Variants in ST3GAL1 observed in about 807,000 individuals in gnomAD.
The protein encoded by ST3GAL1 is CMP-N-acetylneuraminate-beta-galactosamide-alpha-2,3-sialyltransferase 1.
Under a neutral mutation model 34.1 loss-of-function variants are expected in ST3GAL1, and 16 were observed. That is an observed-to-expected ratio of 0.47 (90% confidence interval 0.32 to 0.71). The LOEUF (loss-of-function observed/expected upper bound fraction) is 0.71. ST3GAL1 is among the 30% of genes least tolerant of loss of function. ST3GAL1 has a pLI of 0.04. For missense variants in ST3GAL1, 353 were observed against 447.4 expected (o/e 0.79, Z 1.90); for synonymous variants, 191 against 184.7 (o/e 1.03, Z -0.28).
intron 1 of ST3GAL1, among the ~76,000 whole-genome samples, chr8:133,548,823 C>T (rs1818745171): frequency 6.6e-6 from 1 of 152,206 alleles, no homozygotes; most frequent in Non-Finnish European, 1.5e-5. Context: ...CTATATTTTA[C>T]TTGTCACTAG....
Position 133,456,995 on chromosome 8 carries a change from A to G in ST3GAL1, c.*2769T>C, listed in dbSNP as rs989609519. On this transcript the variant is annotated 3_prime_UTR_variant, in exon 10 of 10. Transcript: ENST00000522652. ...TCACACTGCACCAGGAAAAGGCCAC[A>G]CCTCCCTACACAGCAGCAGCCTTTT... The G allele has an allele frequency of 6.6e-6, 1 of 151,748 alleles. No individual in the cohort carries two copies. The highest frequency in any genetic ancestry group is 1.5e-5 in the Non-Finnish European group (1 of 67,984). The allele number at this position is 151,748 out of a possible 1,614,324, so 9.4% of individuals were successfully genotyped here.
chr8:133,532,938 T>C (rs1818200596), intron 2 of ST3GAL1, among the ~76,000 whole-genome samples: 1 of 152,224 alleles, frequency 6.6e-6, no homozygotes, highest in Non-Finnish European at 1.5e-5. Context: ...TCTCTCACTC[T>C]TTCCCATATT....
In ST3GAL1 at chr8:133,571,068, G is replaced by T. The variant is rs1819552816; in HGVS notation, c.-582+625C>A. 6.6e-6 allele frequency among the ~76,000 whole-genome samples: 1 copy of T among 152,208 alleles called. No homozygotes were observed. Among genetic ancestry groups the T allele is most frequent in the South Asian group, 2.1e-4 (1 of 4,836 alleles). ...CAACTTCACCCCCAGATCCGGAGCA[G>T]CGCGCTCTGACGGCGTCCCCGGGGC... On this transcript the variant is annotated intron_variant, in intron 1 of 9. Transcript: ENST00000522652. The surrounding 1 kb of genome is among the most constrained non-coding windows in gnomAD (Gnocchi z 6.7).
At chr8:133,506,963 T>TAAAA (rs1381957064) in intron 2 of ST3GAL1, among the ~76,000 whole-genome samples, 1 of 129,296 alleles carries the variant, frequency 7.7e-6, no homozygotes, top group Non-Finnish European at 1.7e-5. Flanking sequence ...AAATAATAAA[T>TAAAA]AAAAATAAAA....
rs768009053 is a variant in ST3GAL1 at position 133,540,956 on chromosome 8, C to CAT, written c.-429+4816_-429+4817dup. Among the ~76,000 whole-genome samples, 1,674 of 76,686 alleles carry CAT rather than the reference C, an allele frequency of 0.022. 285 individuals are homozygous for CAT. The East Asian group carries it at 0.22, about 10-fold the overall frequency. 50.3% of individuals were successfully genotyped at this position (76,686 alleles called of 152,430 possible). Reference sequence around the variant, plus strand: ...AGACATATATAGACATATATATAGACATATATATAGACATATATATGCAGA... The same window carrying CAT: ...AGACATATATAGACATATATATAGACATATATATATAGACATATATATGCAGA... On this transcript the variant is annotated intron_variant, in intron 2 of 9. Coordinates refer to ENST00000522652, the MANE Select transcript of ST3GAL1 (RefSeq NM_173344.3).
chr8:133,551,297 G>A (rs147717046), intron 1 of ST3GAL1, among the ~76,000 whole-genome samples: 497 of 152,054 alleles, frequency 3.3e-3, no homozygotes, highest in African/African-American at 0.011. Flanking sequence ...GTGAAGCCCC[G>A]TCTCTACTAA....
chr8:133,561,098 C>T (rs919799904), intron 1 of ST3GAL1, among the ~76,000 whole-genome samples: 66 of 150,434 alleles, frequency 4.4e-4, no homozygotes, highest in African/African-American at 1.4e-3. Context: ...CAAGGTTTGC[C>T]CAGAGCCATC....
In ST3GAL1 at chr8:133,467,287, C is replaced by A. The variant is rs1815779119; in HGVS notation, c.307-1197G>T. On this transcript the variant is annotated intron_variant, in intron 5 of 9. Coordinates refer to ENST00000522652, the MANE Select transcript of ST3GAL1 (RefSeq NM_173344.3). This position sits in a 1 kb window ranked among gnomAD's most constrained non-coding sequence, Gnocchi z 4.2. ...CCGGTGGTTTCACTATTGGCCCCCG[C>A]TGCATGCCCAGGCCCGCCCGTCACC... Among the ~76,000 whole-genome samples, 1 of 152,192 alleles carries A rather than the reference C, an allele frequency of 6.6e-6. No homozygotes were observed. The highest frequency in any genetic ancestry group is 1.5e-5 in the Non-Finnish European group (1 of 68,032).
intron 7 of ST3GAL1, 122 bp from the exon 8 acceptor site, chr8:133,463,581 G>A (rs1815598286): frequency 1.9e-6 from 2 of 1,053,572 alleles, no homozygotes; most frequent in Non-Finnish European, 2.8e-6. Context: ...GCCCCCCATA[G>A]CTTCCCTCAG....
intron 2 of ST3GAL1, among the ~76,000 whole-genome samples, chr8:133,513,710 A>G (rs753790275): frequency 2.0e-5 from 3 of 152,146 alleles, no homozygotes; most frequent in Admixed American, 1.3e-4. Flanking sequence ...TCTAGCCAAC[A>G]TGGTGAAACC....
chr8:133,468,707 C>T (rs1815836806), intron 5 of ST3GAL1, among the ~76,000 whole-genome samples: 1 of 152,200 alleles, frequency 6.6e-6, no homozygotes. Flanking sequence ...TCCAGGGTGG[C>T]TCCATGATCC....
chr8:133,544,563 C>T (rs1039430771), intron 2 of ST3GAL1, among the ~76,000 whole-genome samples: 3 of 152,082 alleles, frequency 2.0e-5, no homozygotes, highest in South Asian at 2.1e-4. Flanking sequence ...TGTTTCTTAT[C>T]GCTCTTGCCC....
intron 1 of ST3GAL1, among the ~76,000 whole-genome samples, chr8:133,558,620 G>A (rs936901376): frequency 2.0e-5 from 3 of 152,110 alleles, no homozygotes; most frequent in Non-Finnish European, 4.4e-5. Context: ...CGCAAGTAAT[G>A]GTGACTAAAG....
chr8:133,536,214 A>G (rs1818306419), intron 2 of ST3GAL1, among the ~76,000 whole-genome samples: 2 of 152,102 alleles, frequency 1.3e-5, no homozygotes, highest in African/African-American at 4.8e-5. Flanking sequence ...GAGAGCACAC[A>G]TGAGGCTGGG....
At chr8:133,567,413 C>G (rs1436762537) in intron 1 of ST3GAL1, 1 of 152,176 alleles carries the variant, frequency 6.6e-6, no homozygotes, top group African/African-American at 2.4e-5. Context: ...AACAATAAAA[C>G]CCCAGATTTT....
At chr8:133,490,484 G>T (rs1399444427) in intron 3 of ST3GAL1, among the ~76,000 whole-genome samples, 3 of 152,204 alleles carry the variant, frequency 2.0e-5, no homozygotes, top group Non-Finnish European at 4.4e-5. Context: ...CCCAAGACAT[G>T]ATGCCAAGGG....
intron 2 of ST3GAL1, among the ~76,000 whole-genome samples, chr8:133,542,349 A>G (rs1488844629): frequency 1.3e-5 from 2 of 152,250 alleles, no homozygotes; most frequent in African/African-American, 2.4e-5. Flanking sequence ...ATGACGATGG[A>G]GAAATGTTAG....
chr8:133,519,903 T>C (rs1376557535), intron 2 of ST3GAL1, among the ~76,000 whole-genome samples: 1 of 152,144 alleles, frequency 6.6e-6, no homozygotes, highest in Non-Finnish European at 1.5e-5. Flanking sequence ...TGAGCTGAGA[T>C]TGCACCACTG....
At position 133,571,024 on chromosome 8, in the gene ST3GAL1, G is replaced by A. The variant is rs535697184; in HGVS notation, c.-582+669C>T. Among the ~76,000 whole-genome samples the A allele has an allele frequency of 6.6e-6, 1 of 152,244 alleles. No individual in the cohort carries two copies. The highest frequency in any genetic ancestry group is 6.5e-5 in the Admixed American group (1 of 15,286). The stretch of plus-strand genomic sequence containing the variant: ...CCCACTGTCCGCCACGCCGCGTTCA[G>A]CTCTCTTGTCCCGGGTGTCAACTTC... On this transcript the variant is annotated intron_variant, in intron 1 of 9. Transcript: ENST00000522652. The surrounding 1 kb of genome is among the most constrained non-coding windows in gnomAD (Gnocchi z 6.7).
Sources: allele counts gnomAD v4.1 joint callset (sites outside exome capture counted in the v4.1 genomes callset), GRCh38; gene constraint gnomAD v4.1.1; non-coding constraint Gnocchi (gnomAD v3.1); transcripts MANE v1.5; gene names NCBI Gene and HGNC (gene_info 2026-07-23, HGNC 2026-07-21).